KIF1A: variants seen among roughly 807,000 people sequenced by gnomAD.
The protein encoded by KIF1A is kinesin-like protein KIF1A.
Under a neutral mutation model 227.3 loss-of-function variants are expected in KIF1A, and 46 were observed. That is an observed-to-expected ratio of 0.20 (90% CI 0.16 to 0.26). The LOEUF is 0.26. Among genes scored for constraint, KIF1A ranks in the 10% least tolerant of loss-of-function variants. KIF1A has a pLI of 1.00. For missense variants in KIF1A, 1,683 were observed against 2,485.9 expected (o/e 0.68, Z 6.87); for synonymous variants, 1,022 against 1,012.8 (o/e 1.01, Z -0.17).
intron 1 of KIF1A, among the ~76,000 whole-genome samples, chr2:240,800,864 A>C (rs1341521006): frequency 2.0e-5 from 3 of 152,218 alleles, no homozygotes; most frequent in African/African-American, 7.2e-5. Flanking sequence ...CAAGGTACGA[A>C]ACCTAAGAGC....
At chr2:240,786,734 T>TCA (rs1559529791) in intron 5 of KIF1A, among the ~76,000 whole-genome samples, 3 of 36,114 alleles carry the variant, frequency 8.3e-5, no homozygotes, top group South Asian at 5.5e-4. Flanking sequence ...GGGTGGGGGC[T>TCA]GCCTGCTGGG....
intron 23 of KIF1A, among the ~76,000 whole-genome samples, chr2:240,761,763 C>T (rs989725339): frequency 6.6e-6 from 1 of 152,160 alleles, no homozygotes; most frequent in Non-Finnish European, 1.5e-5. Flanking sequence ...AAGGAGAGGC[C>T]GCCACGAGCA....
At chr2:240,783,137 G>A in intron 8 of KIF1A, 28 bp from the exon 9 acceptor site, 7 of 1,588,794 alleles carry the variant, frequency 4.4e-6, no homozygotes, top group Non-Finnish European at 6.0e-6. Context: ...AGTGGGGTTG[G>A]GATGCTGGGG....
chr2:240,722,576 C>T lies in KIF1A; in HGVS notation c.4545G>A (p.Pro1515=), dbSNP rs540399320. ...GGGACTCAGAGTCCTCGCTGAAGGC[C>T]GGGGACAGTGCCTCCGGGACAGGCC... ...AQRPVPEALS[P]AFSEDSESHG... is the part of the protein sequence containing the mutation. The change falls in exon 43 of 49, where the codon CCG becomes CCA. Residue 1515 remains proline, a synonymous_variant. Transcript: ENST00000498729. 41 of 1,559,492 alleles carry T rather than the reference C, an allele frequency of 2.6e-5. No homozygotes were observed. In the East Asian group the frequency reaches 5.2e-4, roughly 20 times the overall value.
intron 10 of KIF1A, among the ~76,000 whole-genome samples, chr2:240,779,597 C>A (rs941727857): frequency 6.6e-6 from 1 of 151,860 alleles, no homozygotes; most frequent in Non-Finnish European, 1.5e-5. Context: ...CAGTTCCACA[C>A]TCAGTTCCTC....
intron 19 of KIF1A, 41 bp from the exon 20 acceptor site, chr2:240,765,834 G>C: frequency 6.7e-7 from 1 of 1,490,750 alleles, no homozygotes; most frequent in South Asian, 1.1e-5. Context: ...GGACTATGAG[G>C]GGCTGTCACC....
chr2:240,722,004 A>G (rs1325238902), intron 43 of KIF1A, 120 bp from the exon 44 acceptor site: 32 of 769,914 alleles, frequency 4.2e-5, no homozygotes, highest in Non-Finnish European at 2.6e-5. Context: ...GCCAGAGCAC[A>G]GTGGGTCAAG....
At position 240,788,918 on chromosome 2, in the gene KIF1A, A is replaced by G. The variant is rs77979541; in HGVS notation, c.183+318T>C. Among the ~76,000 whole-genome samples the G allele has an allele frequency of 0.014, 2,057 of 152,204 alleles. 50 individuals carry two copies. Among genetic ancestry groups the G allele is most frequent in the African/African-American group, 0.045 (1,878 of 41,502 alleles). On this transcript the variant is annotated intron_variant, in intron 3 of 48. Coordinates refer to ENST00000498729, the MANE Select transcript of KIF1A (RefSeq NM_001244008.2). This position sits in a 1 kb window ranked among gnomAD's most constrained non-coding sequence, Gnocchi z 6.6. ...CTCCTGGGCTCCCAGCATGCAGGGC[A>G]CAGCTTCCAGACAGGCTCAGGGTCA...
intron 1 of KIF1A, among the ~76,000 whole-genome samples, chr2:240,816,332 G>T (rs1436614202): frequency 6.6e-6 from 1 of 151,992 alleles, no homozygotes; most frequent in Non-Finnish European, 1.5e-5. Flanking sequence ...GTGCGTGCAT[G>T]TGTGTGTCAG....
At chr2:240,808,783 T>G (rs2057639273) in intron 1 of KIF1A, among the ~76,000 whole-genome samples, 1 of 151,964 alleles carries the variant, frequency 6.6e-6, no homozygotes, top group South Asian at 2.1e-4. Context: ...GGGATTGGAG[T>G]GCAACGGTGC....
At chr2:240,781,638 G>T in intron 10 of KIF1A, 1 of 556,910 alleles carries the variant, frequency 1.8e-6, no homozygotes, top group Non-Finnish European at 2.3e-6. Context: ...GCTCCTCACA[G>T]TTCACTCCGC....
chr2:240,754,324 G>A (rs1348934712), intron 27 of KIF1A, among the ~76,000 whole-genome samples: 2 of 150,998 alleles, frequency 1.3e-5, no homozygotes, highest in Admixed American at 1.3e-4. Context: ...GGTGGGACAT[G>A]TGGATCTGGC....
In KIF1A at chr2:240,714,087, C is replaced by G. The variant is rs2044397775; in HGVS notation, c.*3277G>C. 1 of 152,466 alleles carries G rather than the reference C, an allele frequency of 6.6e-6. No homozygotes were observed. The highest frequency in any genetic ancestry group is 2.4e-5 in the African/African-American group (1 of 41,456). 9.4% of individuals were successfully genotyped at this position (152,466 alleles called of 1,614,324 possible). On this transcript the variant is annotated 3_prime_UTR_variant, in exon 49 of 49. Transcript: ENST00000498729. Reference sequence around the variant, plus strand: ...CCGGCACCGGGGGTAAGGGAGTGTGCCTTCCGTGGTCCCCACATGGGTGAG... The same window carrying G: ...CCGGCACCGGGGGTAAGGGAGTGTGGCTTCCGTGGTCCCCACATGGGTGAG...
Position 240,797,685 on chromosome 2 carries a change from T to G in KIF1A, c.68A>C (p.Asp23Ala). 6.2e-7 allele frequency: 1 copy of G among 1,612,898 alleles called. No individual in the cohort carries two copies. Among genetic ancestry groups the G allele is most frequent in the Non-Finnish European group, 8.5e-7 (1 of 1,179,696 alleles). Reference sequence around the variant, plus strand: ...AGACATCTGAATGATGCACTTGGAGTCACGGCTCATTTCCCGGGAATTGAA... The same window carrying G: ...AGACATCTGAATGATGCACTTGGAGGCACGGCTCATTTCCCGGGAATTGAA... ...RPFNSREMSR[D>A]SKCIIQMSGS... Residue 23 changes from aspartate to alanine, a missense_variant, in exon 2 of 49, where the codon GAC becomes GCC. Coordinates refer to ENST00000498729, the MANE Select transcript of KIF1A (RefSeq NM_001244008.2).
chr2:240,774,327 C>T lies in KIF1A; in HGVS notation c.959-66G>A, dbSNP rs1035451766. Reference sequence around the variant, plus strand: ...GGCCCCAGGGCTATGTCTGCTCCCCCCTTCCCCCCACATTTACAGATGGGG... The same window carrying T: ...GGCCCCAGGGCTATGTCTGCTCCCCTCTTCCCCCCACATTTACAGATGGGG... On this transcript the variant is annotated intron_variant, in intron 11 of 48. Coordinates refer to ENST00000498729, the MANE Select transcript of KIF1A (RefSeq NM_001244008.2). The T allele has an allele frequency of 6.0e-5, 64 of 1,070,194 alleles. No homozygotes were observed. The African/African-American group carries it at 8.7e-4, about 15-fold the overall frequency. 66.3% of individuals were successfully genotyped at this position (1,070,194 alleles called of 1,614,324 possible). A position where few individuals can be genotyped will look rare whatever the true frequency, so the allele number is the denominator to read the frequency against.
At chr2:240,741,107 C>T (rs1181769585) in intron 35 of KIF1A, among the ~76,000 whole-genome samples, 162 bp downstream of exon 35, 1 of 152,168 alleles carries the variant, frequency 6.6e-6, no homozygotes, top group African/African-American at 2.4e-5. Flanking sequence ...TTTTACTCCC[C>T]AAGACCTAGA....
chr2:240,784,942 A>G lies in KIF1A; in HGVS notation c.720+47T>C, dbSNP rs571619399. On this transcript the variant is annotated intron_variant, in intron 7 of 48. Coordinates refer to ENST00000498729, the MANE Select transcript of KIF1A (RefSeq NM_001244008.2). ...CCTGACCACCACCCCTACCCTGACCACCAGCCACTGCCCTTGGTGGCACCG... is the reference window on the plus strand; with the variant it reads ...CCTGACCACCACCCCTACCCTGACCGCCAGCCACTGCCCTTGGTGGCACCG... 8 of 1,496,230 alleles carry G rather than the reference A, an allele frequency of 5.3e-6. No individual in the cohort carries two copies. The South Asian group carries it at 5.6e-5, about 11-fold the overall frequency. The allele number at this position is 1,496,230 out of a possible 1,614,324, so 92.7% of individuals were successfully genotyped here.
Position 240,789,178 on chromosome 2 carries a change from G to A in KIF1A, c.183+58C>T. The A allele has an allele frequency of 3.6e-6, 5 of 1,388,504 alleles. No individual in the cohort carries two copies. The South Asian group carries it at 5.8e-5, about 16-fold the overall frequency. The allele number at this position is 1,388,504 out of a possible 1,614,324, so 86.0% of individuals were successfully genotyped here. A position where few individuals can be genotyped will look rare whatever the true frequency, so the allele number is the denominator to read the frequency against. On this transcript the variant is annotated intron_variant, in intron 3 of 48. Coordinates refer to ENST00000498729, the MANE Select transcript of KIF1A (RefSeq NM_001244008.2). The surrounding 1 kb of genome is among the most constrained non-coding windows in gnomAD (Gnocchi z 4.8). The stretch of plus-strand genomic sequence containing the variant: ...CTCAGAGAAGTTGAGGGACCCCGAG[G>A]GCCACATGGCCTATGCACTGCTGCC...
intron 1 of KIF1A, among the ~76,000 whole-genome samples, chr2:240,808,476 T>G (rs368680281): frequency 6.6e-6 from 1 of 150,680 alleles, no homozygotes; most frequent in East Asian, 1.9e-4. Flanking sequence ...CTGAGCAACA[T>G]AGCAAGACCC....
Sources: gnomAD v4.1 joint callset for allele counts (sites outside exome capture counted in the v4.1 genomes callset) on GRCh38, gnomAD v4.1.1 for gene constraint, Gnocchi (gnomAD v3.1) non-coding constraint, MANE v1.5 for transcripts, NCBI Gene and HGNC (gene_info 2026-07-23, HGNC 2026-07-21) for gene names.